Variants in F8 observed in about 807,000 individuals in gnomAD.
F8 encodes coagulation factor VIII.
A neutral mutation model predicts 140.6 loss-of-function variants in F8; 12 were observed. The ratio of observed to expected loss-of-function variants is 0.09; its 90% CI spans 0.05 to 0.14. The LOEUF (loss-of-function observed/expected upper bound fraction) is 0.14. Ranked by LOEUF, F8 falls within the 10% of genes least tolerant of loss-of-function variation. The pLI, the probability that F8 is intolerant of heterozygous loss-of-function variation, is 1.00. For synonymous variants in F8, 585 were observed against 614.6 expected, an observed-to-expected ratio of 0.95 and a Z score of 0.71; for missense variants, 1,354 against 1,720.7, an observed-to-expected ratio of 0.79 and a Z score of 3.77.
intron 22 of F8, among the ~76,000 whole-genome samples, chrX:154,878,757 A>G (rs2072838279): frequency 8.9e-6 from 1 of 112,340 alleles, no homozygotes; most frequent in African/African-American, 3.2e-5. Flanking sequence ...ACAAAACACT[A>G]TAGAGCTAAT....
intron 14 of F8, among the ~76,000 whole-genome samples, chrX:154,921,171 G>A (rs1417295521): frequency 9.0e-6 from 1 of 110,924 alleles, no homozygotes; most frequent in Non-Finnish European, 1.9e-5. Context: ...ACTCCCTTCT[G>A]GTCTACAATA....
intron 21 of F8, among the ~76,000 whole-genome samples, chrX:154,897,009 T>C (rs1194662375): frequency 8.9e-6 from 1 of 112,245 alleles, no homozygotes; most frequent in Non-Finnish European, 1.9e-5. Flanking sequence ...ACATGTAATG[T>C]GCTGAGTTCA....
At chrX:154,878,428 C>CAAAAA (rs57418004) in intron 22 of F8, among the ~76,000 whole-genome samples, 2 of 26,736 alleles carry the variant, frequency 7.5e-5, no homozygotes, top group African/African-American at 1.4e-4. Flanking sequence ...TTTTCATGAC[C>CAAAAA]AAAAAAAAAA....
intron 11 of F8, among the ~76,000 whole-genome samples, chrX:154,955,045 C>G (rs1434239329): frequency 4.6e-5 from 5 of 109,381 alleles, no homozygotes; most frequent in African/African-American, 1.7e-4. Context: ...AAGAACTAAG[C>G]TTTTCTTGTT....
chrX:154,858,895 G>C (rs1175904557), intron 25 of F8, among the ~76,000 whole-genome samples: 2 of 112,248 alleles, frequency 1.8e-5, no homozygotes, highest in African/African-American at 6.5e-5. Context: ...TTGGTCATAA[G>C]GTGCCCAGAT....
At chrX:154,946,117 A>T (rs191487043) in intron 13 of F8, among the ~76,000 whole-genome samples, 27 of 112,427 alleles carry the variant, frequency 2.4e-4, no homozygotes, top group African/African-American at 8.7e-4. Context: ...TATCTATCCC[A>T]TTTTAATGGG....
chrX:155,009,496 G>A (rs1332435816), intron 1 of F8, among the ~76,000 whole-genome samples: 2 of 111,153 alleles, frequency 1.8e-5, no homozygotes, highest in African/African-American at 6.6e-5. Flanking sequence ...CAGCACTTTG[G>A]GAGGCCGAGG....
chrX:155,001,946 T>A (rs1294477109), intron 1 of F8, among the ~76,000 whole-genome samples: 2 of 111,985 alleles, frequency 1.8e-5, no homozygotes, highest in African/African-American at 3.3e-5. Flanking sequence ...CCCATCTACC[T>A]CCAGAATTAA....
intron 25 of F8, among the ~76,000 whole-genome samples, chrX:154,853,422 T>C (rs1324478025): frequency 8.9e-6 from 1 of 112,021 alleles, no homozygotes; most frequent in Non-Finnish European, 1.9e-5. Flanking sequence ...ATATCTGGTG[T>C]TCTTCAAGTT....
intron 13 of F8, among the ~76,000 whole-genome samples, chrX:154,940,487 C>T (rs782673849): frequency 1.1e-4 from 12 of 111,976 alleles, no homozygotes; most frequent in African/African-American, 2.6e-4. Context: ...AAGAAACAAA[C>T]GAAGCCTCCA....
intron 1 of F8, among the ~76,000 whole-genome samples, chrX:155,017,775 A>G (rs1230158523): frequency 8.0e-5 from 9 of 112,179 alleles, no homozygotes; most frequent in African/African-American, 2.9e-4. Flanking sequence ...TCTTATGCAC[A>G]CTGAAGTTTG....
At chrX:154,876,652 A>G (rs1477752400) in intron 22 of F8, among the ~76,000 whole-genome samples, 1 of 111,571 alleles carries the variant, frequency 9.0e-6, no homozygotes, top group African/African-American at 3.3e-5. Context: ...TCTCCTTTCT[A>G]TATAGGAGAA....
intron 12 of F8, among the ~76,000 whole-genome samples, chrX:154,950,267 G>T (rs1487218574): frequency 1.8e-5 from 2 of 112,200 alleles, no homozygotes; most frequent in Non-Finnish European, 3.8e-5. Context: ...TGGATTTCCT[G>T]AGTCAATAGG....
chrX:154,936,024 A>AC (rs1557279211), intron 13 of F8, among the ~76,000 whole-genome samples: 18 of 108,386 alleles, frequency 1.7e-4, no homozygotes, highest in African/African-American at 5.1e-4. Flanking sequence ...ACACACACAC[A>AC]AAAATCAAAG....
chrX:154,869,185 C>G (rs1395263874), intron 22 of F8, among the ~76,000 whole-genome samples: 1 of 111,370 alleles, frequency 9.0e-6, no homozygotes, highest in Admixed American at 9.6e-5. Flanking sequence ...CAGCTCTGGA[C>G]CAAGCAGACC....
At chrX:154,927,674 T>G (rs2124045461) in intron 14 of F8, among the ~76,000 whole-genome samples, 1 of 112,372 alleles carries the variant, frequency 8.9e-6, no homozygotes, top group African/African-American at 3.2e-5. Flanking sequence ...GGAAATAGTC[T>G]ATGGTTGCAA....
At chrX:154,926,367 G>A (rs1321570865) in intron 14 of F8, among the ~76,000 whole-genome samples, 1 of 111,494 alleles carries the variant, frequency 9.0e-6, no homozygotes, top group Admixed American at 9.5e-5. Flanking sequence ...ACTGAAATAG[G>A]GAATGGTTTT....
In F8 at chrX:154,930,267, C is replaced by T. The variant is rs782545461; in HGVS notation, c.3523G>A (p.Glu1175Lys). The change falls in exon 14 of 26, where the codon GAA becomes AAA. Residue 1175 changes from glutamate to lysine, a missense_variant. Physicochemically the swap from Glu to Lys is moderately conservative, Grantham distance 56. This residue lies in a region of F8 where 658 missense variants were observed against 666.5 expected (regional missense o/e 0.99). Transcript: ENST00000360256. ...TTGAGTCCTACGTCCTTTGTAAATT[C>T]ACCCTTTCCTACTACCACTTTGTTT... is the stretch of plus-strand genomic sequence containing the variant. ...EKNKVVVGKG[E>K]FTKDVGLKEM... 1 of 1,211,007 alleles carries T rather than the reference C, an allele frequency of 8.3e-7. No homozygotes were observed. Among genetic ancestry groups the T allele is most frequent in the South Asian group, 1.8e-5 (1 of 56,922 alleles).
At chrX:154,993,293 G>C in intron 3 of F8, 145 bp from the exon 4 acceptor site, 4 of 530,160 alleles carry the variant, frequency 7.5e-6, no homozygotes, top group Non-Finnish European at 1.2e-5. Flanking sequence ...TTTTGAGACG[G>C]AGTCTCACTC....
Sources: allele counts gnomAD v4.1 joint callset (sites outside exome capture counted in the v4.1 genomes callset), GRCh38; gene constraint gnomAD v4.1.1; regional missense constraint gnomAD v4.1.1; transcripts MANE v1.5; gene names NCBI Gene and HGNC (gene_info 2026-07-23, HGNC 2026-07-21).